PLCL1: variants seen among roughly 807,000 people sequenced by gnomAD.
PLCL1 encodes phospholipase C like 1 (inactive), also known as inactive phospholipase C-like protein 1.
PLCL1 carries 41 observed loss-of-function variants against 84.4 expected under a neutral mutation model. The ratio of observed to expected loss-of-function variants is 0.49; its 90% confidence interval spans 0.38 to 0.63. The LOEUF is 0.63. Among genes scored for constraint, PLCL1 ranks in the 30% least tolerant of loss-of-function variants. The pLI is 0.00. For synonymous variants in PLCL1, 490 were observed against 488.3 expected (o/e 1.00, Z -0.05); for missense variants, 1,206 against 1,367.8 (o/e 0.88, Z 1.87).
rs375578716 is a variant in PLCL1, at chr2:197,938,940, C to T, written c.240+133601C>T. On this transcript the variant is annotated intron_variant, in intron 1 of 5. Coordinates refer to ENST00000428675, the MANE Select transcript of PLCL1 (RefSeq NM_006226.4). ...GTGGAAAGATAAATAGAAATAAGAA[C>T]ATTTGAGTTTGTGAACACAAATGGT... 5.3e-5 allele frequency among the ~76,000 whole-genome samples: 8 copies of T among 152,180 alleles called. No individual in the cohort carries two copies. In the South Asian group the frequency reaches 1.7e-3, roughly 32 times the overall value.
At position 198,149,054 on chromosome 2, in the gene PLCL1, C is replaced by G. The variant is rs184958178; in HGVS notation, c.*2092C>G. 1.3e-5 allele frequency: 2 copies of G among 152,398 alleles called. No homozygotes were observed. The highest frequency in any genetic ancestry group is 2.4e-5 in the African/African-American group (1 of 41,430). 9.4% of individuals were successfully genotyped at this position (152,398 alleles called of 1,614,324 possible). On this transcript the variant is annotated 3_prime_UTR_variant, in exon 6 of 6. Coordinates refer to ENST00000428675, the MANE Select transcript of PLCL1 (RefSeq NM_006226.4). ...TACTCTGCTTCATTCCACTGGGTGT[C>G]CTTGCTAGATGGGGAGTGAGATGTG... is the stretch of plus-strand genomic sequence containing the variant.
chr2:197,940,719 A>G (rs550308200), intron 1 of PLCL1, among the ~76,000 whole-genome samples: 1 of 152,358 alleles, frequency 6.6e-6, no homozygotes, highest in East Asian at 1.9e-4. Context: ...TATTATTTCA[A>G]TGACAAAAGA....
chr2:198,103,994 A>C, intron 5 of PLCL1, 58 bp downstream of exon 5: 3 of 792,368 alleles, frequency 3.8e-6, no homozygotes, highest in Non-Finnish European at 6.1e-6. Flanking sequence ...TCATCTCTCC[A>C]ATGTGTAGAG....
rs990477191 is a variant in PLCL1, at chr2:198,084,036, A to G, written c.519A>G (p.Glu173=). The G allele has an allele frequency of 6.2e-7, 1 of 1,614,204 alleles. No individual in the cohort carries two copies. Among genetic ancestry groups the G allele is most frequent in the African/African-American group, 1.3e-5 (1 of 75,066 alleles). ...IKEIRLGKNT[E]TFRNNGLADQ... ...AGATCAGACTGGGGAAAAACACGGA[A>G]ACATTTAGAAACAATGGCCTTGCTG... The change falls in exon 2 of 6, where the codon GAA becomes GAG. Residue 173 remains glutamate, a synonymous_variant. Coordinates refer to ENST00000428675, the MANE Select transcript of PLCL1 (RefSeq NM_006226.4).
intron 1 of PLCL1, among the ~76,000 whole-genome samples, chr2:197,968,481 C>T (rs1020337172): frequency 6.6e-6 from 1 of 152,128 alleles, no homozygotes; most frequent in Admixed American, 6.5e-5. Flanking sequence ...TTTTGGGGTA[C>T]TTTCTAGGTT....
chr2:197,826,829 C>A (rs1690939779), intron 1 of PLCL1, among the ~76,000 whole-genome samples: 2 of 152,110 alleles, frequency 1.3e-5, no homozygotes, highest in Admixed American at 1.3e-4. Context: ...AGTGAATATA[C>A]CTAGGCCTGG....
chr2:197,858,050 G>C (rs1182521092), intron 1 of PLCL1, among the ~76,000 whole-genome samples: 1 of 152,160 alleles, frequency 6.6e-6, no homozygotes, highest in Non-Finnish European at 1.5e-5. Flanking sequence ...GAAGTACTTA[G>C]ATAGGTTTTG....
At chr2:197,966,154 A>G (rs188204058) in intron 1 of PLCL1, among the ~76,000 whole-genome samples, 24 of 151,892 alleles carry the variant, frequency 1.6e-4, no homozygotes, top group Admixed American at 1.0e-3. Context: ...TTGCAAGACA[A>G]AGTTCTCTTT....
At chr2:198,104,973 G>T (rs1313075374) in intron 5 of PLCL1, among the ~76,000 whole-genome samples, 1 of 151,996 alleles carries the variant, frequency 6.6e-6, no homozygotes, top group East Asian at 1.9e-4. Flanking sequence ...TCTGTAGGTT[G>T]TCTGTTTGCT....
Position 198,052,248 on chromosome 2 carries a change from C to A in PLCL1, c.241-31510C>A, listed in dbSNP as rs547215774. Among the ~76,000 whole-genome samples the A allele has an allele frequency of 7.2e-5, 11 of 152,148 alleles. No individual in the cohort carries two copies. In the South Asian group the frequency reaches 2.1e-3, roughly 29 times the overall value. On this transcript the variant is annotated intron_variant, in intron 1 of 5. Coordinates refer to ENST00000428675, the MANE Select transcript of PLCL1 (RefSeq NM_006226.4). The stretch of plus-strand genomic sequence containing the variant: ...TATTTTTAGTAGAGACAGGGTTTCA[C>A]CATGTTGGCCAGGATGGTCTCAATC...
At chr2:197,991,442 A>G (rs146998415) in intron 1 of PLCL1, among the ~76,000 whole-genome samples, 1,711 of 152,112 alleles carry the variant, frequency 0.011, 13 homozygotes, top group Non-Finnish European at 0.02. Context: ...CTCTCTGTGC[A>G]TATATAACCT....
At chr2:197,991,650 A>G (rs1019431526) in intron 1 of PLCL1, among the ~76,000 whole-genome samples, 2 of 152,140 alleles carry the variant, frequency 1.3e-5, no homozygotes, top group African/African-American at 4.8e-5. Flanking sequence ...TCTGCTTAGT[A>G]TATTTATTCC....
intron 1 of PLCL1, among the ~76,000 whole-genome samples, chr2:197,840,298 G>A (rs1028291921): frequency 4.6e-5 from 7 of 151,654 alleles, no homozygotes; most frequent in Admixed American, 1.3e-4. Flanking sequence ...TGGTCAGGAA[G>A]GCACTTCATC....
intron 1 of PLCL1, among the ~76,000 whole-genome samples, chr2:197,897,389 G>A (rs554211067): frequency 5.9e-4 from 90 of 152,076 alleles, no homozygotes; most frequent in African/African-American, 2.1e-3. Flanking sequence ...GCAATATAGA[G>A]TGTTTGTGGT....
At chr2:197,881,915 TAC>T (rs1687837627) in intron 1 of PLCL1, among the ~76,000 whole-genome samples, 1 of 152,126 alleles carries the variant, frequency 6.6e-6, no homozygotes, top group Non-Finnish European at 1.5e-5. Flanking sequence ...AAATCTTAGA[TAC>T]TTGTTATTTA....
intron 1 of PLCL1, among the ~76,000 whole-genome samples, chr2:197,976,707 A>G (rs1339284689): frequency 6.6e-6 from 1 of 152,208 alleles, no homozygotes; most frequent in African/African-American, 2.4e-5. Context: ...TTGGCCTCCC[A>G]AAGTGCTGGG....
intron 1 of PLCL1, among the ~76,000 whole-genome samples, chr2:197,939,814 C>G (rs1399659578): frequency 6.6e-6 from 1 of 151,606 alleles, no homozygotes; most frequent in Non-Finnish European, 1.5e-5. Flanking sequence ...ACTGTCTTCC[C>G]CCAAGTGATT....
chr2:198,043,527 G>C (rs1226691807), intron 1 of PLCL1, among the ~76,000 whole-genome samples: 2 of 152,198 alleles, frequency 1.3e-5, no homozygotes. Flanking sequence ...GGATTGTCAA[G>C]GGCAAGGCTG....
intron 5 of PLCL1, among the ~76,000 whole-genome samples, chr2:198,131,987 C>T (rs1694131047): frequency 6.6e-6 from 1 of 152,148 alleles, no homozygotes; most frequent in South Asian, 2.1e-4. Flanking sequence ...TTTTCCATTT[C>T]CCCTTTCCTT....
Sources: allele counts gnomAD v4.1 joint callset (sites outside exome capture counted in the v4.1 genomes callset), GRCh38; gene constraint gnomAD v4.1.1; transcripts MANE v1.5; gene names NCBI Gene and HGNC (gene_info 2026-07-23, HGNC 2026-07-21).